Variants in SEPTIN6 observed in about 807,000 individuals in gnomAD.
SEPTIN6 encodes the protein septin 6, also known as septin-6.
SEPTIN6 carries 8 observed loss-of-function variants against 33.6 expected under a neutral mutation model. That is an observed-to-expected ratio of 0.24 (90% CI 0.14 to 0.43). The LOEUF (loss-of-function observed/expected upper bound fraction) is 0.43, where lower values mean the gene tolerates loss of function less well. Among genes scored for constraint, SEPTIN6 ranks in the 20% least tolerant of loss-of-function variants. The probability of loss-of-function intolerance (pLI) is 1.00; values close to 1 mark genes in which losing one functional copy is unlikely to be tolerated. For synonymous variants in SEPTIN6, 131 were observed against 140.0 expected (o/e 0.94, Z 0.45); for missense variants, 250 against 340.8 (o/e 0.73, Z 2.10).
intron 10 of SEPTIN6, among the ~76,000 whole-genome samples, chrX:119,621,496 T>TGTGTGTGTGTGTA (rs1234941843): frequency 9.7e-6 from 1 of 102,739 alleles, no homozygotes. Context: ...TGTGTGTGTA[T>TGTGTGTGTGTGTA]TTTTATTTCT....
intron 2 of SEPTIN6, among the ~76,000 whole-genome samples, chrX:119,664,229 G>A (rs1465518901): frequency 1.8e-5 from 2 of 111,335 alleles, no homozygotes; most frequent in South Asian, 7.5e-4. Context: ...TGATCCACCC[G>A]CCTCGGCCTC....
At chrX:119,663,457 TA>T in intron 3 of SEPTIN6, 24 bp downstream of exon 3, 1 of 408,402 alleles carries the variant, frequency 2.4e-6, no homozygotes, top group Non-Finnish European at 4.2e-6. Context: ...CTCCCCACCC[TA>T]CCCCACCCCA....
chrX:119,679,859 G>A (rs1483012063), intron 1 of SEPTIN6, among the ~76,000 whole-genome samples: 3 of 110,619 alleles, frequency 2.7e-5, no homozygotes, highest in East Asian at 2.8e-4. Flanking sequence ...GAGAGACTCC[G>A]TCTCAAAAAT....
intron 9 of SEPTIN6, among the ~76,000 whole-genome samples, chrX:119,626,351 T>C (rs1424260257): frequency 1.8e-5 from 2 of 111,912 alleles, no homozygotes; most frequent in East Asian, 5.6e-4. Context: ...TATAGTTTCA[T>C]TGTAGCCTGA....
chrX:119,643,450 C>T (rs769918079), intron 5 of SEPTIN6, among the ~76,000 whole-genome samples: 10 of 110,274 alleles, frequency 9.1e-5, no homozygotes, highest in Non-Finnish European at 1.3e-4. Context: ...AGTATTCCCT[C>T]GGGCCTGTTG....
intron 10 of SEPTIN6, among the ~76,000 whole-genome samples, chrX:119,621,015 T>C (rs1405488131): frequency 1.2e-5 from 1 of 86,781 alleles, no homozygotes; most frequent in Non-Finnish European, 2.1e-5. Flanking sequence ...CAATACCTTG[T>C]ACAGGAATAC....
Position 119,650,072 on chromosome X carries a change from T to C in SEPTIN6, c.555A>G (p.Lys185=), listed in dbSNP as rs758511661. The change falls in exon 5 of 11, where the codon AAA becomes AAG. Residue 185 remains lysine (K), a synonymous_variant. Coordinates refer to ENST00000394610, the MANE Select transcript of SEPTIN6 (RefSeq NM_145799.4). The part of the protein sequence containing the change: ...SKVNIIPIIA[K]ADAISKSELT... ...GCTCACTCTTCGAAATGGCATCTGC[T>C]TTGGCAATGATGGGGATGATGTTCA... 4.1e-6 allele frequency: 5 copies of C among 1,209,638 alleles called. No individual in the cohort carries two copies. Among genetic ancestry groups the C allele is most frequent in the Admixed American group, 4.4e-5 (2 of 45,649 alleles).
At chrX:119,636,304 C>T (rs933232567) in intron 7 of SEPTIN6, among the ~76,000 whole-genome samples, 1 of 111,950 alleles carries the variant, frequency 8.9e-6, no homozygotes, top group Non-Finnish European at 1.9e-5. Context: ...GTGGTAATTT[C>T]AACTGTGGGG....
chrX:119,629,945 C>T (rs1183709982), intron 8 of SEPTIN6, among the ~76,000 whole-genome samples: 2 of 110,970 alleles, frequency 1.8e-5, no homozygotes, highest in Non-Finnish European at 3.8e-5. Context: ...CATGGTGAAA[C>T]CCCGTCTCTA....
chrX:119,648,128 T>C (rs2054298183), intron 5 of SEPTIN6, among the ~76,000 whole-genome samples: 2 of 109,304 alleles, frequency 1.8e-5, no homozygotes, highest in East Asian at 5.7e-4. Flanking sequence ...TTTCCAGCCT[T>C]GAGGTTGAGC....
chrX:119,678,389 G>A (rs1474295526), intron 1 of SEPTIN6, among the ~76,000 whole-genome samples: 1 of 110,174 alleles, frequency 9.1e-6, no homozygotes, highest in Non-Finnish European at 1.9e-5. Context: ...GCGTGGTGGC[G>A]GGCGCCTGTA....
At chrX:119,677,984 G>A (rs1202346779) in intron 1 of SEPTIN6, among the ~76,000 whole-genome samples, 1 of 112,876 alleles carries the variant, frequency 8.9e-6, no homozygotes, top group African/African-American at 3.2e-5. Flanking sequence ...TGCAATCGCA[G>A]CACTTGGGGA....
At chrX:119,616,647 T>C, downstream of SEPTIN6, 2 of 1,126,977 alleles carry the variant, frequency 1.8e-6, no homozygotes, top group Middle Eastern at 2.4e-4. Context: ...AATTGGTTGA[T>C]TTCTGATTTG....
chrX:119,680,305 T>G (rs1461473802), intron 1 of SEPTIN6, among the ~76,000 whole-genome samples: 2 of 108,314 alleles, frequency 1.8e-5, no homozygotes, highest in East Asian at 5.8e-4. Context: ...GGCCCATGGG[T>G]TCAAGCGATT....
At chrX:119,646,820 T>C (rs750952132) in intron 5 of SEPTIN6, 29 of 297,974 alleles carry the variant, frequency 9.7e-5, no homozygotes, top group Non-Finnish European at 3.6e-5. Context: ...CAATTCCTCC[T>C]ACCACCCAAG....
chrX:119,620,513 G>A (rs1443226690), intron 10 of SEPTIN6, among the ~76,000 whole-genome samples: 1 of 109,506 alleles, frequency 9.1e-6, no homozygotes, highest in Non-Finnish European at 1.9e-5. Context: ...TAGAGACGGG[G>A]TTTCACCGTG....
chrX:119,621,010 C>T (rs779682566), intron 10 of SEPTIN6, among the ~76,000 whole-genome samples: 20 of 94,544 alleles, frequency 2.1e-4, no homozygotes, highest in African/African-American at 7.8e-4. Context: ...CCACCCAATA[C>T]CTTGTACAGG....
At chrX:119,658,010 C>G (rs951452934) in intron 3 of SEPTIN6, among the ~76,000 whole-genome samples, 10 of 110,900 alleles carry the variant, frequency 9.0e-5, no homozygotes, top group African/African-American at 3.3e-4. Context: ...GCCTGTAGTC[C>G]CAGCTACTCG....
In SEPTIN6 at chrX:119,617,194, T is replaced by C. The variant is rs1233563203; in HGVS notation, c.*2899A>G. 25 of 811,602 alleles carry C rather than the reference T, an allele frequency of 3.1e-5. No individual in the cohort carries two copies. The highest frequency in any genetic ancestry group is 3.4e-5 in the Non-Finnish European group (23 of 676,337). The allele number at this position is 811,602 out of a possible 1,213,427, so 66.9% of individuals were successfully genotyped here. The stretch of plus-strand genomic sequence containing the variant: ...TCTGGGAAAATAAAAGCACAGACCA[T>C]TTCTAATGACTGGTTTTGTTTCACC... On this transcript the variant is annotated 3_prime_UTR_variant, in exon 11 of 11. Coordinates refer to ENST00000394610, the MANE Select transcript of SEPTIN6 (RefSeq NM_145799.4).
Sources: allele counts gnomAD v4.1 joint callset (sites outside exome capture counted in the v4.1 genomes callset), GRCh38; gene constraint gnomAD v4.1.1; transcripts MANE v1.5; gene names NCBI Gene and HGNC (gene_info 2026-07-23, HGNC 2026-07-21).